The following PARP6 variants were observed in gnomAD, a reference collection of about 807,000 sequenced individuals.
The protein encoded by PARP6 is protein mono-ADP-ribosyltransferase PARP6.
PARP6 carries 27 observed loss-of-function variants against 92.0 expected under a neutral mutation model. The observed-to-expected ratio is 0.29, with a 90% CI of 0.22 to 0.40. PARP6 has a LOEUF of 0.40. Among genes scored for constraint, PARP6 ranks in the 10% least tolerant of loss-of-function variants. PARP6 has a pLI of 1.00. For missense variants in PARP6, 501 were observed against 784.5 expected (o/e 0.64, Z 4.32); for synonymous variants, 272 against 281.2 (o/e 0.97, Z 0.33).
chr15:72,247,345 T>A (rs980483595), intron 20 of PARP6, among the ~76,000 whole-genome samples: 51 of 152,020 alleles, frequency 3.4e-4, no homozygotes, highest in African/African-American at 1.2e-3. Flanking sequence ...TGGTTATTTT[T>A]ATTTTTTTGC....
chr15:72,250,665 A>G (rs1424186527), intron 18 of PARP6, among the ~76,000 whole-genome samples, 180 bp downstream of exon 18: 1 of 152,242 alleles, frequency 6.6e-6, no homozygotes, highest in Non-Finnish European at 1.5e-5. Context: ...ATAGTTTGAG[A>G]ATAAAGACCA....
Position 72,248,533 on chromosome 15 carries a change from A to G in PARP6, c.1561+712T>C, listed in dbSNP as rs144536196. 8.0e-4 allele frequency among the ~76,000 whole-genome samples: 122 copies of G among 152,308 alleles called. 3 individuals are homozygous for G. The East Asian group carries it at 0.016, about 20-fold the overall frequency. ...ACTACAGGATATCAAGTAATAATCT[A>G]TTAAGAATCTAGCACAATCCCCTTC... On this transcript the variant is annotated intron_variant, in intron 20 of 23. Transcript: ENST00000569795.
chr15:72,263,666 C>T (rs568337255), intron 8 of PARP6, among the ~76,000 whole-genome samples: 1 of 152,266 alleles, frequency 6.6e-6, no homozygotes, highest in African/African-American at 2.4e-5. Flanking sequence ...GACTAAGCCC[C>T]TGCAAATGTT....
intron 20 of PARP6, 112 bp downstream of exon 20, chr15:72,249,133 A>T: frequency 1.8e-6 from 1 of 559,708 alleles, no homozygotes; most frequent in Non-Finnish European, 3.3e-6. Flanking sequence ...TCGGGGAGAG[A>T]GCTGACACAG....
Position 72,266,828 on chromosome 15 carries a change from G to T in PARP6, c.4-6C>A, listed in dbSNP as rs982744625. On this transcript the variant is annotated splice_region_variant and splice_polypyrimidine_tract_variant and intron_variant, in intron 3 of 23. Transcript: ENST00000569795. ...CAGAACTGGCCTTTGATGTCCTAGT[G>T]GTGAGAAATAAGGATATCATGCTTT... 5.6e-6 allele frequency: 9 copies of T among 1,608,542 alleles called. No homozygotes were observed. The African/African-American group carries it at 8.0e-5, about 14-fold the overall frequency.
chr15:72,261,040 T>C (rs930019083), intron 9 of PARP6, among the ~76,000 whole-genome samples: 4 of 152,190 alleles, frequency 2.6e-5, no homozygotes, highest in Admixed American at 6.5e-5. Context: ...TGTTAAACAC[T>C]GCGCTAGGCA....
chr15:72,267,518 C>A lies in PARP6; in HGVS notation c.-41G>T. ...CACACACTCTCAGGTCAGTGCTAGG[C>A]AGCACCCCTCCATACCACTAGCCGA... On this transcript the variant is annotated 5_prime_UTR_variant, in exon 3 of 24. Transcript: ENST00000569795. The A allele has an allele frequency of 6.2e-7, 1 of 1,613,238 alleles. No individual in the cohort carries two copies. The highest frequency in any genetic ancestry group is 1.3e-5 in the African/African-American group (1 of 75,012).
intron 9 of PARP6, among the ~76,000 whole-genome samples, chr15:72,261,133 G>T (rs2085828845): frequency 1.3e-5 from 2 of 152,302 alleles, no homozygotes; most frequent in Admixed American, 6.5e-5. Flanking sequence ...ATCTGGGTTT[G>T]TGTCTGCCTT....
chr15:72,256,140 T>G (rs1338567040), intron 14 of PARP6, among the ~76,000 whole-genome samples: 4 of 152,138 alleles, frequency 2.6e-5, no homozygotes, highest in Admixed American at 2.6e-4. Context: ...ATATTATCCC[T>G]TTTTACAAGA....
intron 18 of PARP6, among the ~76,000 whole-genome samples, 187 bp downstream of exon 18, chr15:72,250,658 G>C (rs978361010): frequency 6.6e-6 from 1 of 152,078 alleles, no homozygotes; most frequent in South Asian, 2.1e-4. Context: ...ATCATAAATA[G>C]TTTGAGAATA....
chr15:72,242,923 C>G lies in PARP6; in HGVS notation c.1562-224G>C, dbSNP rs2083218321. ...GCAGATTATAGAGCATGGTGTGAGC[C>G]TAGAGGAGGGCAACTAGCCTAGCCT... On this transcript the variant is annotated intron_variant, in intron 20 of 23. Transcript: ENST00000569795. This position sits in a 1 kb window ranked among gnomAD's most constrained non-coding sequence, Gnocchi z 4.3. 1 of 507,504 alleles carries G rather than the reference C, an allele frequency of 2.0e-6. No individual in the cohort carries two copies. The highest frequency in any genetic ancestry group is 2.0e-5 in the African/African-American group (1 of 50,026). The allele number at this position is 507,504 out of a possible 1,614,324, so 31.4% of individuals were successfully genotyped here.
intron 2 of PARP6, among the ~76,000 whole-genome samples, chr15:72,268,208 G>C (rs2086867410): frequency 6.6e-6 from 1 of 152,142 alleles, no homozygotes; most frequent in Admixed American, 6.6e-5. Context: ...TGGAGAGCTG[G>C]GATTAGAGCA....
At chr15:72,246,236 G>A (rs530396640) in intron 20 of PARP6, among the ~76,000 whole-genome samples, 54 of 152,234 alleles carry the variant, frequency 3.5e-4, no homozygotes, top group African/African-American at 1.3e-3. Flanking sequence ...TGCAACCTCC[G>A]CCTCCCAGGT....
chr15:72,242,260 A>G lies in PARP6; in HGVS notation c.1642-40T>C. 2.0e-6 allele frequency: 3 copies of G among 1,517,894 alleles called. No homozygotes were observed. The highest frequency in any genetic ancestry group is 2.7e-6 in the Non-Finnish European group (3 of 1,092,418). 94.0% of individuals were successfully genotyped at this position (1,517,894 alleles called of 1,614,324 possible). ...GGCAAAGGAGACCAGAGCCAGGTAG[A>G]TGGGTACAGCTTTCCCTAGAGAGGC... On this transcript the variant is annotated intron_variant, in intron 21 of 23. Coordinates refer to ENST00000569795, the MANE Select transcript of PARP6 (RefSeq NM_001323532.2). The surrounding 1 kb of genome is among the most constrained non-coding windows in gnomAD (Gnocchi z 4.3).
chr15:72,269,899 C>CAAAA (rs59023007), intron 2 of PARP6, among the ~76,000 whole-genome samples: 9 of 100,144 alleles, frequency 9.0e-5, no homozygotes, highest in Middle Eastern at 4.7e-3. Context: ...AACTCTGTCT[C>CAAAA]AAAAAAAAAA....
Position 72,267,606 on chromosome 15 carries a change from C to T in PARP6, c.-129G>A. ...AGGGAGACAAGGTAGGGCACGATGT[C>T]AGGGACAACTGGTGATCTGTTGGGG... On this transcript the variant is annotated 5_prime_UTR_variant, in exon 3 of 24. Transcript: ENST00000569795. 1 of 931,210 alleles carries T rather than the reference C, an allele frequency of 1.1e-6. No individual in the cohort carries two copies. 57.7% of individuals were successfully genotyped at this position (931,210 alleles called of 1,614,324 possible).
At position 72,241,322 on chromosome 15, in the gene PARP6, T is replaced by C; in HGVS notation, c.*133A>G. On this transcript the variant is annotated 3_prime_UTR_variant, in exon 24 of 24. Coordinates refer to ENST00000569795, the MANE Select transcript of PARP6 (RefSeq NM_001323532.2). The surrounding 1 kb of genome is among the most constrained non-coding windows in gnomAD (Gnocchi z 4.1). ...AAGCTCTACCATGAAGGCCACCTCT[T>C]ACATATCCTTTTCCTGCCCCTTGGT... 1 of 723,480 alleles carries C rather than the reference T, an allele frequency of 1.4e-6. No homozygotes were observed. Among genetic ancestry groups the C allele is most frequent in the Non-Finnish European group, 2.5e-6 (1 of 398,414 alleles). 44.8% of individuals were successfully genotyped at this position (723,480 alleles called of 1,614,324 possible).
intron 18 of PARP6, 31 bp downstream of exon 18, chr15:72,250,808 CTCACCA>C: frequency 2.1e-5 from 21 of 1,021,618 alleles, no homozygotes; most frequent in Non-Finnish European, 2.9e-5. Context: ...TCCCCGCCCC[CTCACCA>C]CCCCCACTGC....
intron 14 of PARP6, among the ~76,000 whole-genome samples, chr15:72,255,078 C>G (rs1425125467): frequency 1.3e-5 from 2 of 151,916 alleles, no homozygotes; most frequent in Non-Finnish European, 2.9e-5. Flanking sequence ...GCTGACTCCT[C>G]TGCCCCACCC....
Sources: gnomAD v4.1 joint callset for allele counts (sites outside exome capture counted in the v4.1 genomes callset) on GRCh38, gnomAD v4.1.1 for gene constraint, Gnocchi (gnomAD v3.1) non-coding constraint, MANE v1.5 for transcripts, NCBI Gene and HGNC (gene_info 2026-07-23, HGNC 2026-07-21) for gene names.